The following ANKRD6 variants were observed in gnomAD, a reference collection of about 807,000 sequenced individuals.
The protein encoded by ANKRD6 is ankyrin repeat domain-containing protein 6.
Under a neutral mutation model 82.3 loss-of-function variants are expected in ANKRD6, and 56 were observed. The observed-to-expected ratio is 0.68, with a 90% CI of 0.55 to 0.85. The LOEUF is 0.85. Among genes scored for constraint, ANKRD6 ranks in the 40% least tolerant of loss-of-function variants. The pLI, the probability that ANKRD6 is intolerant of heterozygous loss-of-function variation, is 0.00. For missense variants in ANKRD6, 852 were observed against 907.6 expected (o/e 0.94, Z 0.79); for synonymous variants, 347 against 352.1 (o/e 0.99, Z 0.16).
chr6:89,437,083 C>T (rs1582568928), intron 1 of ANKRD6, among the ~76,000 whole-genome samples: 1 of 152,134 alleles, frequency 6.6e-6, no homozygotes, highest in South Asian at 2.1e-4. Flanking sequence ...AGTGAATGCT[C>T]TTATGTATGT....
chr6:89,558,217 G>C (rs1323197218), intron 1 of ANKRD6, among the ~76,000 whole-genome samples: 2 of 152,130 alleles, frequency 1.3e-5, no homozygotes, highest in African/African-American at 4.8e-5. Context: ...TGTACTCCTT[G>C]TTATTTATGC....
At chr6:89,479,029 A>G (rs1776445507) in intron 1 of ANKRD6, among the ~76,000 whole-genome samples, 1 of 152,152 alleles carries the variant, frequency 6.6e-6, no homozygotes, top group Non-Finnish European at 1.5e-5. Context: ...AGACATTTGG[A>G]TGAATATTTA....
At chr6:89,577,168 C>G (rs951381784) in intron 2 of ANKRD6, among the ~76,000 whole-genome samples, 17 of 151,764 alleles carry the variant, frequency 1.1e-4, no homozygotes, top group Admixed American at 1.1e-3. Context: ...TTTATCAGTA[C>G]GAGGGAGCCC....
At chr6:89,472,101 A>G (rs925903044) in intron 1 of ANKRD6, among the ~76,000 whole-genome samples, 1 of 151,992 alleles carries the variant, frequency 6.6e-6, no homozygotes, top group Non-Finnish European at 1.5e-5. Flanking sequence ...CAGATGCAGC[A>G]CTCCAATCCC....
rs1252380993 is a variant in ANKRD6, at chr6:89,500,111, T to C, written c.-143-66723T>C. 4.8e-3 allele frequency among the ~76,000 whole-genome samples: 731 copies of C among 152,238 alleles called. 8 individuals are homozygous for C. Among genetic ancestry groups the C allele is most frequent in the Middle Eastern group, 0.017 (5 of 294 alleles). Reference sequence around the variant, plus strand: ...GGTCACCTTTCCCACCTCTGGTGGCTCTTTTATCTTGCTCCAGTTGATGAC... The same window carrying C: ...GGTCACCTTTCCCACCTCTGGTGGCCCTTTTATCTTGCTCCAGTTGATGAC... On this transcript the variant is annotated intron_variant, in intron 1 of 15. Coordinates refer to ENST00000339746, the MANE Select transcript of ANKRD6 (RefSeq NM_001242809.2).
intron 1 of ANKRD6, among the ~76,000 whole-genome samples, chr6:89,477,058 C>T (rs1329423404): frequency 6.6e-6 from 1 of 152,156 alleles, no homozygotes; most frequent in African/African-American, 2.4e-5. Flanking sequence ...CATTCTCCTG[C>T]CTCAGCCTCC....
intron 1 of ANKRD6, among the ~76,000 whole-genome samples, chr6:89,499,414 A>G (rs1779017675): frequency 6.6e-6 from 1 of 152,024 alleles, no homozygotes; most frequent in South Asian, 2.1e-4. Context: ...TGTGTTTGTC[A>G]CCTTTTTGCC....
chr6:89,497,504 T>C (rs1233118580), intron 1 of ANKRD6, among the ~76,000 whole-genome samples: 1 of 152,200 alleles, frequency 6.6e-6, no homozygotes, highest in African/African-American at 2.4e-5. Flanking sequence ...AAATGGTATA[T>C]ATGACTAGAT....
intron 1 of ANKRD6, among the ~76,000 whole-genome samples, chr6:89,509,949 T>C (rs140156828): frequency 0.014 from 2,103 of 152,354 alleles, 14 homozygotes; most frequent in Non-Finnish European, 0.021. Flanking sequence ...TTACTGGCTT[T>C]TCAAAGCTTT....
intron 2 of ANKRD6, among the ~76,000 whole-genome samples, chr6:89,578,634 G>A (rs769197811): frequency 2.0e-5 from 3 of 152,136 alleles, no homozygotes; most frequent in Non-Finnish European, 2.9e-5. Flanking sequence ...ATTAAAATAA[G>A]CATATATTAA....
At chr6:89,628,792 A>G (rs1806595198) in intron 14 of ANKRD6, 1 of 267,414 alleles carries the variant, frequency 3.7e-6, no homozygotes, top group Non-Finnish European at 7.2e-6. Context: ...AAACAAACAA[A>G]AAAAAAAACT....
At chr6:89,449,208 CAG>C (rs1772509531) in intron 1 of ANKRD6, among the ~76,000 whole-genome samples, 1 of 152,116 alleles carries the variant, frequency 6.6e-6, no homozygotes, top group East Asian at 1.9e-4. Flanking sequence ...TCAACATTAA[CAG>C]GGTTCTGAAG....
intron 1 of ANKRD6, among the ~76,000 whole-genome samples, chr6:89,446,432 G>A (rs1772101275): frequency 6.6e-6 from 1 of 152,154 alleles, no homozygotes; most frequent in South Asian, 2.1e-4. Flanking sequence ...CAAGTGAAAG[G>A]AAGAGTCTCA....
chr6:89,452,423 T>C (rs908590750), intron 1 of ANKRD6, among the ~76,000 whole-genome samples: 20 of 152,308 alleles, frequency 1.3e-4, no homozygotes, highest in African/African-American at 4.8e-4. Context: ...GTTATAATAC[T>C]AAATCTAGAA....
chr6:89,585,384 C>T (rs970841876), intron 2 of ANKRD6, among the ~76,000 whole-genome samples: 18 of 152,194 alleles, frequency 1.2e-4, no homozygotes, highest in African/African-American at 4.3e-4. Context: ...GCAATTTAAT[C>T]CCCAAAGAAG....
chr6:89,524,760 G>A (rs1488758633), intron 1 of ANKRD6, among the ~76,000 whole-genome samples: 1 of 152,052 alleles, frequency 6.6e-6, no homozygotes, highest in African/African-American at 2.4e-5. Context: ...TGGGATTGCT[G>A]GATCAAATAG....
chr6:89,472,187 G>C (rs1013943455), intron 1 of ANKRD6, among the ~76,000 whole-genome samples: 1 of 152,062 alleles, frequency 6.6e-6, no homozygotes, highest in African/African-American at 2.4e-5. Context: ...TAAGACACAA[G>C]TCACATTGGA....
At chr6:89,533,982 A>G (rs1783516929) in intron 1 of ANKRD6, among the ~76,000 whole-genome samples, 1 of 152,174 alleles carries the variant, frequency 6.6e-6, no homozygotes, top group Non-Finnish European at 1.5e-5. Flanking sequence ...TCCCAAGGTG[A>G]CTTGAGAATA....
chr6:89,487,621 A>G (rs985072095), intron 1 of ANKRD6, among the ~76,000 whole-genome samples: 2 of 152,228 alleles, frequency 1.3e-5, no homozygotes, highest in African/African-American at 4.8e-5. Context: ...GGCAAGCATT[A>G]TTATGAAAAT....
Sources: allele counts gnomAD v4.1 joint callset (sites outside exome capture counted in the v4.1 genomes callset), GRCh38; gene constraint gnomAD v4.1.1; transcripts MANE v1.5; gene names NCBI Gene and HGNC (gene_info 2026-07-23, HGNC 2026-07-21).